The following SEC22A variants were observed in gnomAD, a reference collection of about 807,000 sequenced individuals.
SEC22A encodes the protein SEC22 homolog A, vesicle trafficking protein, also known as vesicle-trafficking protein SEC22a.
In SEC22A, 22 loss-of-function variants were observed where a neutral mutation model predicts 35.3. The observed-to-expected ratio is 0.62, with a 90% CI of 0.45 to 0.89. SEC22A has a LOEUF of 0.89. SEC22A is among the 40% of genes least tolerant of loss of function. The probability of loss-of-function intolerance (pLI) is 0.00; values close to 1 mark genes in which losing one functional copy is unlikely to be tolerated. For missense variants in SEC22A, 354 were observed against 362.5 expected (o/e 0.98, Z 0.19); for synonymous variants, 119 against 129.5 (o/e 0.92, Z 0.55).
chr3:123,213,535 T>C (rs1183565326), intron 2 of SEC22A, among the ~76,000 whole-genome samples: 1 of 152,224 alleles, frequency 6.6e-6, no homozygotes, highest in Non-Finnish European at 1.5e-5. Flanking sequence ...TCTAATGATC[T>C]CACTCCTTTC....
intron 5 of SEC22A, among the ~76,000 whole-genome samples, chr3:123,255,027 A>G (rs532164589): frequency 6.6e-6 from 1 of 151,980 alleles, no homozygotes; most frequent in Non-Finnish European, 1.5e-5. Context: ...TCCACCATTA[A>G]GCTCACCAGT....
chr3:123,209,474 T>A, intron 2 of SEC22A, 75 bp downstream of exon 2: 1 of 1,208,782 alleles, frequency 8.3e-7, no homozygotes, highest in Non-Finnish European at 1.2e-6. Context: ...GTGGTTGCAA[T>A]AGAAAGGAGT....
At position 123,265,397 on chromosome 3, in the gene SEC22A, T is replaced by TA. The variant is rs1359254392; in HGVS notation, c.723+5817dup. Among the ~76,000 whole-genome samples, 62 of 150,612 alleles carry TA rather than the reference T, an allele frequency of 4.1e-4. 1 individual carries two copies. Among genetic ancestry groups the TA allele is most frequent in the African/African-American group, 8.8e-4 (36 of 41,134 alleles). ...TCCTTTCCCAGTCTATGTTTTTTTT[T>TA]AAAAAAAAATGGTTTCAGATCAGTC... On this transcript the variant is annotated intron_variant, in intron 6 of 6. Coordinates refer to ENST00000492595, the MANE Select transcript of SEC22A (RefSeq NM_012430.5).
At chr3:123,233,634 A>G (rs1440408357) in intron 4 of SEC22A, among the ~76,000 whole-genome samples, 1 of 147,666 alleles carries the variant, frequency 6.8e-6, no homozygotes, top group African/African-American at 2.6e-5. Context: ...ACAGCCTTTC[A>G]TGGCAAAAAA....
chr3:123,246,099 A>T (rs1937563853), intron 5 of SEC22A, 85 bp downstream of exon 5: 11 of 727,848 alleles, frequency 1.5e-5, no homozygotes. Flanking sequence ...ATTGGGTATT[A>T]GTATAATTTA....
chr3:123,212,184 TAG>T (rs1936948994), intron 2 of SEC22A, among the ~76,000 whole-genome samples: 1 of 152,162 alleles, frequency 6.6e-6, no homozygotes, highest in African/African-American at 2.4e-5. Flanking sequence ...CTACTGGGTT[TAG>T]AGAGAGGGCC....
intron 1 of SEC22A, among the ~76,000 whole-genome samples, chr3:123,204,032 C>G (rs1344545046): frequency 6.6e-6 from 1 of 152,146 alleles, no homozygotes; most frequent in Non-Finnish European, 1.5e-5. Context: ...CCCACTCTAT[C>G]CCCCACCCTC....
intron 4 of SEC22A, among the ~76,000 whole-genome samples, chr3:123,230,291 T>G (rs1329227948): frequency 6.6e-6 from 1 of 152,184 alleles, no homozygotes; most frequent in Non-Finnish European, 1.5e-5. Context: ...ACATGGGTGG[T>G]ATTAAAGTTG....
chr3:123,219,489 A>G (rs1000079850), intron 2 of SEC22A, among the ~76,000 whole-genome samples: 1 of 152,214 alleles, frequency 6.6e-6, no homozygotes, highest in South Asian at 2.1e-4. Context: ...ACTTCATCCT[A>G]TCTTTGCTTC....
chr3:123,230,219 A>G (rs764758104), intron 4 of SEC22A, among the ~76,000 whole-genome samples: 4 of 152,198 alleles, frequency 2.6e-5, no homozygotes, highest in African/African-American at 4.8e-5. Flanking sequence ...CAGTGTATAT[A>G]TAATGTCATT....
At chr3:123,211,897 G>A (rs950699703) in intron 2 of SEC22A, among the ~76,000 whole-genome samples, 4 of 152,050 alleles carry the variant, frequency 2.6e-5, no homozygotes, top group Non-Finnish European at 5.9e-5. Context: ...GGGAGACCCT[G>A]TCTCTACAAA....
intron 5 of SEC22A, among the ~76,000 whole-genome samples, chr3:123,255,561 C>CT (rs1204617344): frequency 6.6e-6 from 1 of 152,116 alleles, no homozygotes; most frequent in South Asian, 2.1e-4. Context: ...AAGTAATTGC[C>CT]TCCCAACTTT....
At chr3:123,232,298 T>A (rs1338326615) in intron 4 of SEC22A, among the ~76,000 whole-genome samples, 2 of 152,106 alleles carry the variant, frequency 1.3e-5, no homozygotes, top group Admixed American at 1.3e-4. Context: ...ATAAAAAGGA[T>A]TATAAAGAAT....
intron 4 of SEC22A, 137 bp downstream of exon 4, chr3:123,225,434 C>T: frequency 2.1e-6 from 1 of 477,724 alleles, no homozygotes; most frequent in Admixed American, 3.9e-5. Context: ...GCAATCCTTT[C>T]AGTGATTTAT....
In SEC22A at chr3:123,203,257, A is replaced by G. The variant is rs75847453; in HGVS notation, c.-20+1271A>G. ...CCTACTCGTTTAGGGATTAAAAAAAATTCCTCAAGCTTTCTGGGCTTGAAT... is the reference window on the plus strand; with the variant it reads ...CCTACTCGTTTAGGGATTAAAAAAAGTTCCTCAAGCTTTCTGGGCTTGAAT... On this transcript the variant is annotated intron_variant, in intron 1 of 6. Transcript: ENST00000492595. 4.7e-3 allele frequency among the ~76,000 whole-genome samples: 712 copies of G among 152,028 alleles called. 7 individuals carry two copies. The highest frequency in any genetic ancestry group is 0.016 in the African/African-American group (664 of 41,438).
intron 2 of SEC22A, among the ~76,000 whole-genome samples, chr3:123,210,044 G>A (rs1936914448): frequency 6.6e-6 from 1 of 152,150 alleles, no homozygotes; most frequent in East Asian, 1.9e-4. Context: ...AGAAAGTGAG[G>A]CCAGAAAGGT....
rs1417903911 is a variant in SEC22A at position 123,236,423 on chromosome 3, C to T, written c.542-9476C>T. Reference sequence around the variant, plus strand: ...TATCTCTGGAGATCCAACAAGATTACTAAGAATTAGTGGGATGCAGAGGAG... The same window carrying T: ...TATCTCTGGAGATCCAACAAGATTATTAAGAATTAGTGGGATGCAGAGGAG... On this transcript the variant is annotated intron_variant, in intron 4 of 6. Coordinates refer to ENST00000492595, the MANE Select transcript of SEC22A (RefSeq NM_012430.5). Among the ~76,000 whole-genome samples the T allele has an allele frequency of 2.6e-5, 4 of 152,074 alleles. No homozygotes were observed. In the East Asian group the frequency reaches 7.7e-4, roughly 29 times the overall value.
intron 4 of SEC22A, among the ~76,000 whole-genome samples, chr3:123,230,446 A>G (rs1937300574): frequency 6.6e-6 from 1 of 152,134 alleles, no homozygotes; most frequent in Non-Finnish European, 1.5e-5. Flanking sequence ...ACATAAAATT[A>G]TAGAAGGTCA....
At chr3:123,225,819 A>C (rs1487526624) in intron 4 of SEC22A, among the ~76,000 whole-genome samples, 1 of 152,178 alleles carries the variant, frequency 6.6e-6, no homozygotes, top group Non-Finnish European at 1.5e-5. Flanking sequence ...TTATGTACCC[A>C]TTAACCATCA....
Sources: allele counts gnomAD v4.1 joint callset (sites outside exome capture counted in the v4.1 genomes callset), GRCh38; gene constraint gnomAD v4.1.1; transcripts MANE v1.5; gene names NCBI Gene and HGNC (gene_info 2026-07-23, HGNC 2026-07-21).